NUP210L: variants seen among roughly 807,000 people sequenced by gnomAD.
NUP210L encodes nuclear pore membrane glycoprotein 210-like.
In NUP210L, 74 loss-of-function variants were observed where a neutral mutation model predicts 208.5. The ratio of observed to expected loss-of-function variants is 0.35; its 90% CI spans 0.29 to 0.43. NUP210L has a LOEUF of 0.43. Among genes scored for constraint, NUP210L ranks in the 20% least tolerant of loss-of-function variants. NUP210L has a pLI of 1.00. For synonymous variants in NUP210L, 780 were observed against 816.9 expected (o/e 0.95, Z 0.77); for missense variants, 1,843 against 2,289.4 (o/e 0.81, Z 3.98).
Position 154,054,849 on chromosome 1 carries a change from A to G in NUP210L, c.3241-17T>C. On this transcript the variant is annotated splice_polypyrimidine_tract_variant and intron_variant, in intron 23 of 39. Transcript: ENST00000368559. Reference sequence around the variant, plus strand: ...AGGAAACACCTTGAAGGAGAAAACCAAAAGGACAACAGTAACTAACTAGAG... The same window carrying G: ...AGGAAACACCTTGAAGGAGAAAACCGAAAGGACAACAGTAACTAACTAGAG... 6.3e-7 allele frequency: 1 copy of G among 1,589,164 alleles called. No individual in the cohort carries two copies. The highest frequency in any genetic ancestry group is 8.6e-7 in the Non-Finnish European group (1 of 1,157,474).
chr1:154,068,514 T>C (rs1465366237), intron 17 of NUP210L, among the ~76,000 whole-genome samples: 2 of 152,096 alleles, frequency 1.3e-5, no homozygotes, highest in South Asian at 2.1e-4. Context: ...ACCTCATCTC[T>C]ACTAAAAATA....
intron 23 of NUP210L, among the ~76,000 whole-genome samples, chr1:154,055,999 C>T (rs1653845952): frequency 6.6e-6 from 1 of 152,090 alleles, no homozygotes. Context: ...GCAGAGGTTG[C>T]ACTGAGCCAA....
At chr1:154,015,120 G>A (rs1423715585) in intron 33 of NUP210L, among the ~76,000 whole-genome samples, 2 of 152,064 alleles carry the variant, frequency 1.3e-5, no homozygotes, top group Non-Finnish European at 2.9e-5. Context: ...AGGTTAATGT[G>A]TGCCATGGTG....
At chr1:154,087,338 A>AG (rs1557967557) in intron 16 of NUP210L, among the ~76,000 whole-genome samples, 1 of 151,638 alleles carries the variant, frequency 6.6e-6, no homozygotes, top group African/African-American at 2.4e-5. Flanking sequence ...AAAAAAAAAA[A>AG]AGGGGCAACA....
At chr1:153,995,043 C>T in intron 38 of NUP210L, 33 bp downstream of exon 38, 1 of 1,304,070 alleles carries the variant, frequency 7.7e-7, no homozygotes, top group Non-Finnish European at 1.1e-6. Flanking sequence ...GTTTTCATGT[C>T]AAAGTCTATG....
At chr1:154,025,608 A>G (rs758185059) in exon 30 of NUP210L, 4 of 1,613,862 alleles carry the variant, frequency 2.5e-6, no homozygotes, top group Non-Finnish European at 3.4e-6. Flanking sequence ...CCAATACAGC[A>G]GTACCTGCAA....
chr1:154,138,783 A>G (rs973102714), intron 5 of NUP210L, among the ~76,000 whole-genome samples: 46 of 152,240 alleles, frequency 3.0e-4, no homozygotes, highest in African/African-American at 1.1e-3. Flanking sequence ...TCACATTAAA[A>G]CAAAAACTAT....
In NUP210L at chr1:154,075,523, T is replaced by C. The variant is rs1435666327; in HGVS notation, c.2362-5058A>G. 4.6e-5 allele frequency among the ~76,000 whole-genome samples: 7 copies of C among 151,902 alleles called. No individual in the cohort carries two copies. The South Asian group carries it at 6.2e-4, about 14-fold the overall frequency. The stretch of plus-strand genomic sequence containing the variant: ...TTTAGTGGCCACATAGGTCAAAGAG[T>C]ACAGATGTTACAGAACTAGTTCAGA... On this transcript the variant is annotated intron_variant, in intron 16 of 39. Coordinates refer to ENST00000368559, the Ensembl canonical transcript of NUP210L.
At chr1:154,115,244 C>T (rs771740794) in intron 12 of NUP210L, among the ~76,000 whole-genome samples, 1 of 152,130 alleles carries the variant, frequency 6.6e-6, no homozygotes, top group African/African-American at 2.4e-5. Context: ...CTGTTAAAAG[C>T]CTGTATTGGT....
intron 12 of NUP210L, among the ~76,000 whole-genome samples, chr1:154,113,255 T>C (rs1382666805): frequency 6.7e-6 from 1 of 148,874 alleles, no homozygotes; most frequent in Non-Finnish European, 1.5e-5. Flanking sequence ...CATATATAAA[T>C]ACATTATATA....
chr1:154,124,824 C>T (rs1354706331), intron 10 of NUP210L, among the ~76,000 whole-genome samples: 3 of 151,972 alleles, frequency 2.0e-5, no homozygotes, highest in Non-Finnish European at 2.9e-5. Flanking sequence ...TGGTGGCACA[C>T]GCCTGTAGTC....
chr1:154,139,684 A>AAAC, intron 5 of NUP210L, 118 bp downstream of exon 5: 2 of 780,232 alleles, frequency 2.6e-6, no homozygotes, highest in Admixed American at 2.5e-5. Context: ...ACAAACAAAC[A>AAAC]AACAAAAAAA....
At chr1:154,116,052 G>A (rs1262637932) in intron 12 of NUP210L, among the ~76,000 whole-genome samples, 1 of 152,010 alleles carries the variant, frequency 6.6e-6, no homozygotes, top group East Asian at 1.9e-4. Context: ...TCAGGAGATA[G>A]AGACCAGCCT....
chr1:154,143,653 G>A, intron 2 of NUP210L, 76 bp from the exon 3 acceptor site: 2 of 1,234,156 alleles, frequency 1.6e-6, no homozygotes, highest in South Asian at 2.9e-5. Context: ...ACTCAAAACT[G>A]TATTCTAAAG....
At chr1:154,003,648 A>G (rs1413529028) in intron 35 of NUP210L, among the ~76,000 whole-genome samples, 1 of 151,978 alleles carries the variant, frequency 6.6e-6, no homozygotes, top group Middle Eastern at 3.2e-3. Context: ...GCGCGCCACC[A>G]TGCCTGGCTA....
chr1:154,069,306 A>C (rs1400785500), intron 17 of NUP210L, among the ~76,000 whole-genome samples: 5 of 152,178 alleles, frequency 3.3e-5, no homozygotes, highest in Non-Finnish European at 7.3e-5. Flanking sequence ...ATCTGACAAA[A>C]GGCTAATATC....
In NUP210L at chr1:154,046,054, CA is replaced by C. The variant is rs772673375; in HGVS notation, c.3696+14del. 6.8e-5 allele frequency: 109 copies of C among 1,607,612 alleles called. No individual in the cohort carries two copies. The highest frequency in any genetic ancestry group is 8.7e-5 in the Non-Finnish European group (102 of 1,177,490). On this transcript the variant is annotated intron_variant, in intron 27 of 39. Transcript: ENST00000368559. ...AAGATCCCTAAGATAACACAATAAA[CA>C]GGCAAATTCTTACCTCTGAATGCCT...
chr1:154,150,709 C>T (rs1056893671), intron 2 of NUP210L, among the ~76,000 whole-genome samples: 2 of 131,396 alleles, frequency 1.5e-5, no homozygotes, highest in African/African-American at 5.8e-5. Context: ...GCCTGGATAA[C>T]ACAGCAAGAC....
At chr1:153,994,088 C>T (rs1363194615) in intron 38 of NUP210L, among the ~76,000 whole-genome samples, 2 of 152,074 alleles carry the variant, frequency 1.3e-5, no homozygotes, top group Non-Finnish European at 2.9e-5. Flanking sequence ...CTGTGTTGCC[C>T]AGGCTGGTCT....
Sources: allele counts gnomAD v4.1 joint callset (sites outside exome capture counted in the v4.1 genomes callset), GRCh38; gene constraint gnomAD v4.1.1; transcripts MANE v1.5; gene names NCBI Gene and HGNC (gene_info 2026-07-23, HGNC 2026-07-21).